The following BFSP2 variants were observed in gnomAD, a reference collection of about 807,000 sequenced individuals.
The protein encoded by BFSP2 is phakinin.
BFSP2 carries 38 observed loss-of-function variants against 44.9 expected under a neutral mutation model. That is an observed-to-expected ratio of 0.85 (90% CI 0.65 to 1.11). The LOEUF is 1.11. BFSP2 is among the 50% of genes least tolerant of loss of function. BFSP2 has a pLI of 0.00. For synonymous variants in BFSP2, 197 were observed against 209.9 expected (o/e 0.94, Z 0.53); for missense variants, 525 against 533.0 (o/e 0.99, Z 0.15).
chr3:133,431,249 G>A (rs1418732538), intron 1 of BFSP2, among the ~76,000 whole-genome samples: 2 of 152,182 alleles, frequency 1.3e-5, no homozygotes, highest in African/African-American at 4.8e-5. Context: ...AATTAACCTC[G>A]CCTTCCAGGT....
chr3:133,409,604 TTCAAG>T (rs1043449462), intron 1 of BFSP2, among the ~76,000 whole-genome samples: 26 of 152,116 alleles, frequency 1.7e-4, no homozygotes, highest in African/African-American at 6.3e-4. Flanking sequence ...ATAGGAAATA[TTCAAG>T]ACGAGTCTGA....
intron 1 of BFSP2, among the ~76,000 whole-genome samples, chr3:133,424,873 G>A (rs575645690): frequency 6.6e-6 from 1 of 152,252 alleles, no homozygotes; most frequent in Non-Finnish European, 1.5e-5. Context: ...AACCTCAGGT[G>A]ATCCGCTAGG....
At chr3:133,409,445 T>C (rs942523065) in intron 1 of BFSP2, among the ~76,000 whole-genome samples, 3 of 152,186 alleles carry the variant, frequency 2.0e-5, no homozygotes, top group Non-Finnish European at 4.4e-5. Flanking sequence ...ATATGCCTAT[T>C]TCCAAGTCTG....
At chr3:133,416,348 T>A (rs2073529048) in intron 1 of BFSP2, among the ~76,000 whole-genome samples, 1 of 123,504 alleles carries the variant, frequency 8.1e-6, no homozygotes, top group Non-Finnish European at 1.7e-5. Context: ...TCCTCACCCC[T>A]GTCCTGTCCC....
intron 1 of BFSP2, among the ~76,000 whole-genome samples, chr3:133,432,832 G>A (rs1000186675): frequency 6.6e-5 from 10 of 152,218 alleles, no homozygotes; most frequent in South Asian, 2.1e-4. Flanking sequence ...CATGGTTAGC[G>A]CGGTCAGAAT....
chr3:133,437,472 G>A lies in BFSP2; in HGVS notation c.490-9845G>A, dbSNP rs181260600. Among the ~76,000 whole-genome samples the A allele has an allele frequency of 4.4e-3, 663 of 151,778 alleles. 4 individuals are homozygous for A. The highest frequency in any genetic ancestry group is 0.015 in the African/African-American group (632 of 41,362). ...CAGGAGGTGGAGGTTGCGGCGAGCC[G>A]AGATCACGCCATTGCACTCCAGCCT... On this transcript the variant is annotated intron_variant, in intron 1 of 6. Transcript: ENST00000302334.
At chr3:133,443,138 G>A (rs1414322866) in intron 1 of BFSP2, among the ~76,000 whole-genome samples, 1 of 152,170 alleles carries the variant, frequency 6.6e-6, no homozygotes, top group Non-Finnish European at 1.5e-5. Context: ...GGGATTCCAG[G>A]CGTGAGCCAC....
rs941830999 is a variant in BFSP2, at chr3:133,400,685, C to A, written c.489+113C>A. On this transcript the variant is annotated intron_variant, in intron 1 of 6. Transcript: ENST00000302334. The surrounding 1 kb of genome is among the most constrained non-coding windows in gnomAD (Gnocchi z 4.0). ...CAGAGAAACTGACCATAATCCCCTA[C>A]ACTTTCACACTTAAAATGGTAATGA... 1 of 1,451,764 alleles carries A rather than the reference C, an allele frequency of 6.9e-7. No homozygotes were observed. Among genetic ancestry groups the A allele is most frequent in the Non-Finnish European group, 9.3e-7 (1 of 1,073,632 alleles). The allele number at this position is 1,451,764 out of a possible 1,614,324, so 89.9% of individuals were successfully genotyped here. A position where few individuals can be genotyped will look rare whatever the true frequency, so the allele number is the denominator to read the frequency against.
rs1176749469 is a variant in BFSP2, at chr3:133,450,213, T to C, written c.730-90T>C. 9 of 1,441,814 alleles carry C rather than the reference T, an allele frequency of 6.2e-6. No individual in the cohort carries two copies. The African/African-American group carries it at 9.8e-5, about 16-fold the overall frequency. The allele number at this position is 1,441,814 out of a possible 1,614,324, so 89.3% of individuals were successfully genotyped here. A position where few individuals can be genotyped will look rare whatever the true frequency, so the allele number is the denominator to read the frequency against. ...TGGCAGTTGTGGAATGAGAAAAGAA[T>C]TGCCCACAGAGCTGGTTTTCTGCTG... On this transcript the variant is annotated intron_variant, in intron 3 of 6. Coordinates refer to ENST00000302334, the MANE Select transcript of BFSP2 (RefSeq NM_003571.4).
At chr3:133,471,778 T>G (rs953089078) in intron 5 of BFSP2, among the ~76,000 whole-genome samples, 1 of 152,054 alleles carries the variant, frequency 6.6e-6, no homozygotes, top group Non-Finnish European at 1.5e-5. Flanking sequence ...AAAAATGTGC[T>G]ACTAAAACAC....
intron 1 of BFSP2, among the ~76,000 whole-genome samples, chr3:133,432,743 C>G (rs2073735700): frequency 1.3e-5 from 2 of 152,144 alleles, no homozygotes; most frequent in Non-Finnish European, 2.9e-5. Context: ...AACACACGTG[C>G]TCTCCCTGCC....
chr3:133,469,208 C>T (rs1490284011), intron 5 of BFSP2, among the ~76,000 whole-genome samples: 1 of 152,220 alleles, frequency 6.6e-6, no homozygotes, highest in Non-Finnish European at 1.5e-5. Flanking sequence ...AGTAGATTAT[C>T]GTTCTGGTCA....
rs573189189 is a variant in BFSP2 at position 133,460,586 on chromosome 3, C to T, written c.892-6242C>T. Among the ~76,000 whole-genome samples, 242 of 152,248 alleles carry T rather than the reference C, an allele frequency of 1.6e-3. 2 individuals carry two copies. The highest frequency in any genetic ancestry group is 5.4e-3 in the African/African-American group (223 of 41,544). On this transcript the variant is annotated intron_variant, in intron 4 of 6. Transcript: ENST00000302334. Reference sequence around the variant, plus strand: ...TTCTTTTTTAAGAATAAATAAGTGACATCTTGTGGAATGTGAGGTTGGAGA... The same window carrying T: ...TTCTTTTTTAAGAATAAATAAGTGATATCTTGTGGAATGTGAGGTTGGAGA...
chr3:133,420,676 C>T (rs1259956705), intron 1 of BFSP2, among the ~76,000 whole-genome samples: 2 of 152,174 alleles, frequency 1.3e-5, no homozygotes, highest in South Asian at 2.1e-4. Context: ...GTGGGAGGAC[C>T]ACGGAGTCAG....
At chr3:133,418,389 G>A (rs1054266710) in intron 1 of BFSP2, among the ~76,000 whole-genome samples, 1 of 152,180 alleles carries the variant, frequency 6.6e-6, no homozygotes, top group Admixed American at 6.5e-5. Context: ...CAATGAAGAT[G>A]AAACCATTGC....
intron 2 of BFSP2, among the ~76,000 whole-genome samples, chr3:133,447,693 T>C (rs1371225626): frequency 6.6e-6 from 1 of 152,124 alleles, no homozygotes; most frequent in Non-Finnish European, 1.5e-5. Flanking sequence ...CCCCACCCTG[T>C]TGAATTTCTG....
chr3:133,466,429 T>C (rs1576598264), intron 4 of BFSP2, among the ~76,000 whole-genome samples: 1 of 151,730 alleles, frequency 6.6e-6, no homozygotes, highest in Admixed American at 6.6e-5. Context: ...CCTGTAATCC[T>C]AGCACTTTGG....
chr3:133,427,606 G>C (rs2073666038), intron 1 of BFSP2, among the ~76,000 whole-genome samples: 1 of 152,214 alleles, frequency 6.6e-6, no homozygotes, highest in Non-Finnish European at 1.5e-5. Flanking sequence ...AGAATGGGGT[G>C]GCATTTCAGG....
Position 133,463,939 on chromosome 3 carries a change from C to T in BFSP2, c.892-2889C>T, listed in dbSNP as rs1221210110. On this transcript the variant is annotated intron_variant, in intron 4 of 6. Transcript: ENST00000302334. ...AATGTAATTTAATTTCTAATGATGGCTGTGTTTAGCAGTCAACTTACAACA... is the reference window on the plus strand; with the variant it reads ...AATGTAATTTAATTTCTAATGATGGTTGTGTTTAGCAGTCAACTTACAACA... 2.6e-5 allele frequency among the ~76,000 whole-genome samples: 4 copies of T among 152,142 alleles called. No homozygotes were observed. In the East Asian group the frequency reaches 5.8e-4, roughly 22 times the overall value.
Sources: gnomAD v4.1 joint callset for allele counts (sites outside exome capture counted in the v4.1 genomes callset) on GRCh38, gnomAD v4.1.1 for gene constraint, Gnocchi (gnomAD v3.1) non-coding constraint, MANE v1.5 for transcripts, NCBI Gene and HGNC (gene_info 2026-07-23, HGNC 2026-07-21) for gene names.